GALNT1: variants seen among roughly 807,000 people sequenced by gnomAD.
GALNT1 encodes the protein polypeptide N-acetylgalactosaminyltransferase 1, also known as GalNAc transferase 1.
GALNT1 carries 17 observed loss-of-function variants against 65.7 expected under a neutral mutation model. The observed-to-expected ratio is 0.26, with a 90% CI of 0.18 to 0.39. GALNT1 has a LOEUF of 0.39. Among genes scored for constraint, GALNT1 ranks in the 10% least tolerant of loss-of-function variants. The pLI is 1.00. For missense variants in GALNT1, 460 were observed against 672.8 expected (o/e 0.68, Z 3.50); for synonymous variants, 210 against 219.7 (o/e 0.96, Z 0.39).
chr18:35,663,069 A>C (rs73418875), intron 2 of GALNT1, among the ~76,000 whole-genome samples: 1 of 152,224 alleles, frequency 6.6e-6, no homozygotes, highest in Non-Finnish European at 1.5e-5. Context: ...CAGAAAAGCT[A>C]CAGGGAAGAG....
At chr18:35,592,001 A>C (rs2046450179) in intron 1 of GALNT1, among the ~76,000 whole-genome samples, 1 of 152,214 alleles carries the variant, frequency 6.6e-6, no homozygotes, top group South Asian at 2.1e-4. Context: ...TCAGAGAAGG[A>C]TTCCAGGTGG....
intron 1 of GALNT1, among the ~76,000 whole-genome samples, chr18:35,589,118 A>T (rs1453705535): frequency 6.6e-6 from 1 of 152,174 alleles, no homozygotes; most frequent in African/African-American, 2.4e-5. Context: ...CACTAGAGGA[A>T]ATTAGAAGTA....
rs191772897 is a variant in GALNT1, at chr18:35,651,104, C to A, written c.-103-3456C>A. Among the ~76,000 whole-genome samples, 6 of 152,220 alleles carry A rather than the reference C, an allele frequency of 3.9e-5. 1 individual carries two copies. The highest frequency in any genetic ancestry group is 2.0e-4 in the Admixed American group (3 of 15,286). ...CTGCCATGGCTTCAGCTGGTCCCTC[C>A]GTTCGGGGTCCCTGACTTCCCGCAA... On this transcript the variant is annotated intron_variant, in intron 1 of 11. Coordinates refer to ENST00000269195, the MANE Select transcript of GALNT1 (RefSeq NM_020474.4).
intron 9 of GALNT1, 27 bp from the exon 10 acceptor site, chr18:35,702,870 A>G (rs770183442): frequency 1.5e-5 from 22 of 1,471,880 alleles, no homozygotes; most frequent in Non-Finnish European, 2.0e-5. Flanking sequence ...CCAACTCCTG[A>G]TATTTTCATT....
At chr18:35,629,151 TTA>T (rs559543103) in intron 1 of GALNT1, among the ~76,000 whole-genome samples, 3 of 152,254 alleles carry the variant, frequency 2.0e-5, no homozygotes, top group East Asian at 3.9e-4. Context: ...CTGCAGGATA[TTA>T]TCCAGGAGAA....
chr18:35,703,438 C>A, intron 10 of GALNT1, 71 bp from the exon 11 acceptor site: 1 of 1,366,498 alleles, frequency 7.3e-7, no homozygotes, highest in Non-Finnish European at 1.0e-6. Flanking sequence ...TTTTCCCTGA[C>A]AGCTAATTGG....
At chr18:35,679,477 T>G (rs940931296) in intron 4 of GALNT1, among the ~76,000 whole-genome samples, 1 of 152,140 alleles carries the variant, frequency 6.6e-6, no homozygotes, top group Non-Finnish European at 1.5e-5. Flanking sequence ...GTTCTCTCTT[T>G]CCTTTCCCTC....
Position 35,610,008 on chromosome 18 carries a change from T to G in GALNT1, c.-104+28146T>G, listed in dbSNP as rs574091159. Among the ~76,000 whole-genome samples the G allele has an allele frequency of 5.9e-5, 9 of 152,340 alleles. No homozygotes were observed. The South Asian group carries it at 1.9e-3, about 32-fold the overall frequency. On this transcript the variant is annotated intron_variant, in intron 1 of 11. Coordinates refer to ENST00000269195, the MANE Select transcript of GALNT1 (RefSeq NM_020474.4). ...TCAATTTTTTAATTTTTATTATGCC[T>G]GGAACCATGAAGATACACTTTTATG...
At chr18:35,619,946 C>T (rs1469020057) in intron 1 of GALNT1, among the ~76,000 whole-genome samples, 3 of 152,274 alleles carry the variant, frequency 2.0e-5, no homozygotes, top group African/African-American at 7.2e-5. Context: ...ATGAAACCAC[C>T]TCTCCTCTGA....
rs1363262509 is a variant in GALNT1, at chr18:35,690,327, G to A, written c.979-685G>A. On this transcript the variant is annotated intron_variant, in intron 7 of 11. Coordinates refer to ENST00000269195, the MANE Select transcript of GALNT1 (RefSeq NM_020474.4). ...CTAGGTTCTGTTTCATGTACAAGCC[G>A]TGACGCAGGTTTGGAGAGGGGTGAA... 2.6e-5 allele frequency among the ~76,000 whole-genome samples: 4 copies of A among 152,050 alleles called. No homozygotes were observed. In the South Asian group the frequency reaches 6.2e-4, roughly 24 times the overall value.
rs979589191 is a variant in GALNT1, at chr18:35,709,911, T to TA, written c.*142dup. The TA allele has an allele frequency of 1.0e-4, 97 of 940,236 alleles. No homozygotes were observed. In the East Asian group the frequency reaches 2.1e-3, roughly 20 times the overall value. The allele number at this position is 940,236 out of a possible 1,614,324, so 58.2% of individuals were successfully genotyped here. On this transcript the variant is annotated 3_prime_UTR_variant, in exon 12 of 12. Coordinates refer to ENST00000269195, the MANE Select transcript of GALNT1 (RefSeq NM_020474.4). Reference sequence around the variant, plus strand: ...GTAAGGTTTATCAGCCATTAAAACTTAGACTTCTCTAGCTTTTCACTAGCT... The same window carrying TA: ...GTAAGGTTTATCAGCCATTAAAACTTAAGACTTCTCTAGCTTTTCACTAGCT...
chr18:35,645,841 A>T (rs538250382), intron 1 of GALNT1, among the ~76,000 whole-genome samples: 11 of 152,286 alleles, frequency 7.2e-5, no homozygotes, highest in Non-Finnish European at 1.5e-4. Context: ...TTTATTGTAG[A>T]TTAAAGAATT....
At chr18:35,649,617 TA>T (rs1450597497) in intron 1 of GALNT1, among the ~76,000 whole-genome samples, 3 of 152,210 alleles carry the variant, frequency 2.0e-5, no homozygotes, top group Non-Finnish European at 4.4e-5. Context: ...AAGTCCAGTT[TA>T]TTTTTTTTAA....
intron 5 of GALNT1, among the ~76,000 whole-genome samples, chr18:35,683,816 T>G (rs566299808): frequency 6.6e-6 from 1 of 152,156 alleles, no homozygotes; most frequent in Non-Finnish European, 1.5e-5. Flanking sequence ...TGAGGAGTGA[T>G]TAGGAAGCAT....
At chr18:35,708,049 T>G (rs527621960) in intron 11 of GALNT1, among the ~76,000 whole-genome samples, 1 of 152,352 alleles carries the variant, frequency 6.6e-6, no homozygotes, top group East Asian at 1.9e-4. Context: ...TTATGTACAT[T>G]ATCTCAGTGT....
In GALNT1 at chr18:35,623,025, T is replaced by G. The variant is rs182956045; in HGVS notation, c.-103-31535T>G. ...TCTAATCTTGTCATCTATCACATCT[T>G]CATATTAATAAGTTGTACAACACAG... On this transcript the variant is annotated intron_variant, in intron 1 of 11. Transcript: ENST00000269195. 8.6e-4 allele frequency among the ~76,000 whole-genome samples: 131 copies of G among 152,278 alleles called. 1 individual carries two copies. The highest frequency in any genetic ancestry group is 1.6e-3 in the Non-Finnish European group (109 of 68,020).
At chr18:35,629,896 G>A (rs929771837) in intron 1 of GALNT1, among the ~76,000 whole-genome samples, 1 of 152,080 alleles carries the variant, frequency 6.6e-6, no homozygotes, top group Non-Finnish European at 1.5e-5. Context: ...AAAAAGGCAG[G>A]GGTTGCAATC....
intron 1 of GALNT1, among the ~76,000 whole-genome samples, chr18:35,622,934 T>G (rs945505967): frequency 6.6e-6 from 1 of 151,994 alleles, no homozygotes; most frequent in African/African-American, 2.4e-5. Flanking sequence ...CTTAAAGGAG[T>G]GCTGAGTTTT....
intron 3 of GALNT1, among the ~76,000 whole-genome samples, chr18:35,674,936 T>G (rs2047687015): frequency 8.2e-6 from 1 of 121,272 alleles, no homozygotes; most frequent in Admixed American, 1.2e-4. Context: ...TGAGCTGAGA[T>G]CACGCCACTG....
Sources: allele counts gnomAD v4.1 joint callset (sites outside exome capture counted in the v4.1 genomes callset), GRCh38; gene constraint gnomAD v4.1.1; transcripts MANE v1.5; gene names NCBI Gene and HGNC (gene_info 2026-07-23, HGNC 2026-07-21).